The following SPATA1 variants were observed in gnomAD, a reference collection of about 807,000 sequenced individuals.
SPATA1 encodes spermatogenesis associated 1, also known as spermatogenesis-associated protein 1.
A neutral mutation model predicts 59.6 loss-of-function variants in SPATA1; 57 were observed. The ratio of observed to expected loss-of-function variants is 0.96; its 90% CI spans 0.77 to 1.19. SPATA1 has a LOEUF of 1.19. Among genes scored for constraint, SPATA1 ranks in the 50% most tolerant of loss-of-function variants. The probability of loss-of-function intolerance (pLI) is 0.00; values close to 1 mark genes in which losing one functional copy is unlikely to be tolerated. For missense variants in SPATA1, 448 were observed against 480.7 expected (o/e 0.93, Z 0.64); for synonymous variants, 147 against 163.9 (o/e 0.90, Z 0.79).
chr1:84,553,030 T>C lies in SPATA1; in HGVS notation c.1225-5T>C, dbSNP rs547767289. 51 of 1,508,084 alleles carry C rather than the reference T, an allele frequency of 3.4e-5. No individual in the cohort carries two copies. The East Asian group carries it at 1.2e-3, about 36-fold the overall frequency. The allele number at this position is 1,508,084 out of a possible 1,614,324, so 93.4% of individuals were successfully genotyped here. A position where few individuals can be genotyped will look rare whatever the true frequency, so the allele number is the denominator to read the frequency against. On this transcript the variant is annotated splice_polypyrimidine_tract_variant and splice_region_variant and intron_variant, in intron 12 of 12. Transcript: ENST00000490879. ...TTCATTTTTGAAAAGTAATTCTTTT[T>C]ATAGATGAGAAAACAAGCAGTTTCA... is the stretch of plus-strand genomic sequence containing the variant.
chr1:84,518,975 A>T (rs1682905865), intron 2 of SPATA1, among the ~76,000 whole-genome samples: 1 of 152,068 alleles, frequency 6.6e-6, no homozygotes, highest in Non-Finnish European at 1.5e-5. Flanking sequence ...AAATTTTAAA[A>T]ATTGTACTTC....
chr1:84,527,399 T>C (rs911350457), intron 6 of SPATA1, among the ~76,000 whole-genome samples: 1 of 152,026 alleles, frequency 6.6e-6, no homozygotes, highest in Non-Finnish European at 1.5e-5. Context: ...TCAGTAAGTA[T>C]TAGGAAGAAA....
intron 8 of SPATA1, among the ~76,000 whole-genome samples, chr1:84,540,139 C>G (rs1683851915): frequency 6.6e-6 from 1 of 152,012 alleles, no homozygotes; most frequent in Admixed American, 6.6e-5. Flanking sequence ...TTATGTACAG[C>G]CTAGAGCTGG....
intron 1 of SPATA1, chr1:84,506,677 G>C (rs963833477): frequency 6.5e-6 from 1 of 152,728 alleles, no homozygotes; most frequent in Non-Finnish European, 1.5e-5. Context: ...TGTGACCCGA[G>C]TTTGGCCAAC....
intron 2 of SPATA1, among the ~76,000 whole-genome samples, chr1:84,519,090 C>A (rs1200337354): frequency 6.6e-6 from 1 of 151,590 alleles, no homozygotes; most frequent in African/African-American, 2.4e-5. Context: ...AAGGGGCTAC[C>A]AAAAAATTTT....
chr1:84,563,438 C>A, intron 4 of SPATA1: 3 of 1,459,860 alleles, frequency 2.1e-6, no homozygotes, highest in South Asian at 1.6e-5. Context: ...CAAAAGTGCT[C>A]ATGTTATATA....
Position 84,550,107 on chromosome 1 carries a change from A to C in SPATA1, c.1126-325A>C, listed in dbSNP as rs2102007584. On this transcript the variant is annotated intron_variant, in intron 11 of 12. Transcript: ENST00000490879. ...TCATATTATTAAGTATTTTAAAATA[A>C]TTCTAATCTTATTCAGCTGATAAAG... 1.2e-5 allele frequency: 2 copies of C among 160,064 alleles called. 1 individual carries two copies. The highest frequency in any genetic ancestry group is 4.8e-5 in the African/African-American group (2 of 41,836). 9.9% of individuals were successfully genotyped at this position (160,064 alleles called of 1,614,324 possible). A position where few individuals can be genotyped will look rare whatever the true frequency, so the allele number is the denominator to read the frequency against.
chr1:84,565,761 A>C, intron 4 of SPATA1, 100 bp from the exon 14 acceptor site: 3 of 815,516 alleles, frequency 3.7e-6, no homozygotes, highest in Non-Finnish European at 4.9e-6. Flanking sequence ...TATAACTTAG[A>C]AATACTAAAA....
chr1:84,550,735 G>A, intron 12 of SPATA1: 1 of 1,123,604 alleles, frequency 8.9e-7, no homozygotes, highest in East Asian at 4.3e-5. Flanking sequence ...ATATAATAAA[G>A]CCAAAGTAAA....
chr1:84,541,549 A>G (rs1288614224), intron 8 of SPATA1, among the ~76,000 whole-genome samples: 1 of 151,852 alleles, frequency 6.6e-6, no homozygotes, highest in Non-Finnish European at 1.5e-5. Flanking sequence ...TTATTTCTTG[A>G]GTTTGGCCAA....
At chr1:84,539,018 C>A (rs1201856763) in intron 8 of SPATA1, among the ~76,000 whole-genome samples, 1 of 152,146 alleles carries the variant, frequency 6.6e-6, no homozygotes, top group African/African-American at 2.4e-5. Flanking sequence ...CCAGGCTGGT[C>A]TCCAACTCCT....
chr1:84,550,453 A>C (rs772478536), exon 12 of SPATA1: 1 of 1,553,564 alleles, frequency 6.4e-7, no homozygotes, highest in South Asian at 1.2e-5. Context: ...AATCCAGATC[A>C]CTGAGGTACA....
At chr1:84,558,329 G>A (rs1232893782), downstream of SPATA1, among the ~76,000 whole-genome samples, 1 of 148,346 alleles carries the variant, frequency 6.7e-6, no homozygotes, top group African/African-American at 2.5e-5. Flanking sequence ...TCGCTCTGTC[G>A]CCCAGGCTGG....
intron 8 of SPATA1, among the ~76,000 whole-genome samples, chr1:84,543,120 G>A (rs1018164791): frequency 3.9e-5 from 6 of 152,116 alleles, no homozygotes; most frequent in Non-Finnish European, 4.4e-5. Context: ...GTACTGTACC[G>A]TGGGTAACTG....
intron 8 of SPATA1, among the ~76,000 whole-genome samples, chr1:84,543,531 G>A (rs894541010): frequency 3.9e-5 from 6 of 152,034 alleles, no homozygotes; most frequent in Non-Finnish European, 5.9e-5. Flanking sequence ...TGGGGGAGAT[G>A]CCACACACTT....
chr1:84,545,538 G>GC, intron 9 of SPATA1, 96 bp from the exon 10 acceptor site: 1 of 1,325,564 alleles, frequency 7.5e-7, no homozygotes, highest in East Asian at 3.0e-5. Flanking sequence ...TATTCTTGCT[G>GC]CTTTAGACAT....
chr1:84,556,855 G>T (rs1284127687), downstream of SPATA1, among the ~76,000 whole-genome samples: 1 of 151,892 alleles, frequency 6.6e-6, no homozygotes, highest in Non-Finnish European at 1.5e-5. Context: ...AACATTTTTA[G>T]AACTAGACAA....
intron 8 of SPATA1, among the ~76,000 whole-genome samples, chr1:84,537,069 A>C (rs1334434249): frequency 2.7e-5 from 4 of 149,740 alleles, no homozygotes; most frequent in Admixed American, 2.7e-4. Context: ...TAGTAGAGAC[A>C]GAGTTTCACC....
chr1:84,507,989 T>C (rs548112425), intron 1 of SPATA1, among the ~76,000 whole-genome samples: 2 of 152,036 alleles, frequency 1.3e-5, no homozygotes, highest in African/African-American at 2.4e-5. Context: ...AAAAGAAAAA[T>C]AAAACATTGA....
Sources: allele counts gnomAD v4.1 joint callset (sites outside exome capture counted in the v4.1 genomes callset), GRCh38; gene constraint gnomAD v4.1.1; transcripts MANE v1.5; gene names NCBI Gene and HGNC (gene_info 2026-07-23, HGNC 2026-07-21).